Variants in SPAG17 observed in about 807,000 individuals in gnomAD.
The protein encoded by SPAG17 is sperm-associated antigen 17.
SPAG17 carries 169 observed loss-of-function variants against 273.6 expected under a neutral mutation model. The observed-to-expected ratio is 0.62, with a 90% CI of 0.55 to 0.70. The LOEUF (loss-of-function observed/expected upper bound fraction) is 0.70. Among genes scored for constraint, SPAG17 ranks in the 30% least tolerant of loss-of-function variants. The probability of loss-of-function intolerance (pLI) is 0.00; values close to 1 mark genes in which losing one functional copy is unlikely to be tolerated. For synonymous variants in SPAG17, 825 were observed against 873.2 expected, an observed-to-expected ratio of 0.94 and a Z score of 0.97; for missense variants, 2,557 against 2,627.8, an observed-to-expected ratio of 0.97 and a Z score of 0.59.
At chr1:118,100,875 T>C (rs1388955496) in intron 5 of SPAG17, among the ~76,000 whole-genome samples, 2 of 152,180 alleles carry the variant, frequency 1.3e-5, no homozygotes, top group Non-Finnish European at 2.9e-5. Context: ...GGCAAAATGA[T>C]TGTGGGGGAG....
At chr1:118,122,937 C>G (rs1378585026) in intron 3 of SPAG17, among the ~76,000 whole-genome samples, 1 of 152,174 alleles carries the variant, frequency 6.6e-6, no homozygotes, top group African/African-American at 2.4e-5. Flanking sequence ...TTATTATCAA[C>G]TGGCCATAAC....
intron 1 of SPAG17, among the ~76,000 whole-genome samples, chr1:118,179,071 T>C (rs1322108787): frequency 6.6e-6 from 1 of 151,932 alleles, no homozygotes; most frequent in African/African-American, 2.4e-5. Flanking sequence ...AAAATACTAA[T>C]GACGGTCTTC....
In SPAG17 at chr1:118,050,735, C is replaced by T. The variant is rs573895116; in HGVS notation, c.2814+3267G>A. Among the ~76,000 whole-genome samples the T allele has an allele frequency of 8.5e-5, 13 of 152,240 alleles. No individual in the cohort carries two copies. The South Asian group carries it at 2.5e-3, about 29-fold the overall frequency. ...AGACTCTAATGTGCATGCACAAAAA[C>T]AACACAAAATGGATTAAAGACTTAA... is the stretch of plus-strand genomic sequence containing the variant. On this transcript the variant is annotated intron_variant, in intron 20 of 48. Coordinates refer to ENST00000336338, the MANE Select transcript of SPAG17 (RefSeq NM_206996.4).
At chr1:118,075,944 C>G (rs72697592) in intron 15 of SPAG17, among the ~76,000 whole-genome samples, 10,026 of 152,114 alleles carry the variant, frequency 0.066, 439 homozygotes, top group Non-Finnish European at 0.088. Context: ...TAGCATGTAT[C>G]TATGCCTAAT....
chr1:118,088,341 G>A (rs1655143452), intron 10 of SPAG17, among the ~76,000 whole-genome samples: 3 of 152,122 alleles, frequency 2.0e-5, no homozygotes, highest in Admixed American at 2.0e-4. Context: ...ATAGTAGATG[G>A]TTAATAAATG....
At chr1:118,086,162 C>T in intron 12 of SPAG17, 90 bp from the exon 13 acceptor site, 1 of 1,200,058 alleles carries the variant, frequency 8.3e-7, no homozygotes, top group Non-Finnish European at 1.2e-6. Context: ...GATACCTTCA[C>T]CCTCATTATT....
At chr1:118,182,383 A>T (rs1660990948) in intron 1 of SPAG17, among the ~76,000 whole-genome samples, 1 of 152,110 alleles carries the variant, frequency 6.6e-6, no homozygotes, top group African/African-American at 2.4e-5. Flanking sequence ...GCCTGCCTTG[A>T]CCATTGCATG....
intron 27 of SPAG17, among the ~76,000 whole-genome samples, chr1:118,024,124 C>A (rs901383902): frequency 6.6e-6 from 1 of 152,108 alleles, no homozygotes; most frequent in South Asian, 2.1e-4. Context: ...AATATCAGTT[C>A]TTATTATCAT....
rs1309529761 is a variant in SPAG17, at chr1:117,981,252, T to C, written c.6004+18A>G. The C allele has an allele frequency of 1.3e-6, 2 of 1,549,408 alleles. No individual in the cohort carries two copies. The highest frequency in any genetic ancestry group is 8.6e-7 in the Non-Finnish European group (1 of 1,157,624). ...TGTTCAGTTTCAAGAAGCAATAAGATAAAAAAGACTGCCATACCTTCAGGA... is the reference window on the plus strand; with the variant it reads ...TGTTCAGTTTCAAGAAGCAATAAGACAAAAAAGACTGCCATACCTTCAGGA... On this transcript the variant is annotated intron_variant, in intron 43 of 48. Coordinates refer to ENST00000336338, the MANE Select transcript of SPAG17 (RefSeq NM_206996.4).
At chr1:118,147,875 A>C (rs1436054003) in intron 3 of SPAG17, among the ~76,000 whole-genome samples, 1 of 152,230 alleles carries the variant, frequency 6.6e-6, no homozygotes, top group Non-Finnish European at 1.5e-5. Flanking sequence ...TATACTATAC[A>C]GAAGTCTCAC....
At chr1:118,034,720 G>T (rs1648875278) in intron 24 of SPAG17, among the ~76,000 whole-genome samples, 2 of 152,190 alleles carry the variant, frequency 1.3e-5, no homozygotes, top group South Asian at 4.2e-4. Flanking sequence ...AGAAATAATA[G>T]GGTAGGAAGG....
intron 3 of SPAG17, among the ~76,000 whole-genome samples, chr1:118,144,712 T>C (rs1002719711): frequency 6.6e-6 from 1 of 152,228 alleles, no homozygotes; most frequent in Non-Finnish European, 1.5e-5. Flanking sequence ...AGGACTGATG[T>C]GGAACGGAAA....
rs1357069420 is a variant in SPAG17 at position 117,984,770 on chromosome 1, C to T, written c.5682G>A (p.Glu1894=). The T allele has an allele frequency of 6.2e-7, 1 of 1,601,906 alleles. No individual in the cohort carries two copies. The highest frequency in any genetic ancestry group is 8.5e-7 in the Non-Finnish European group (1 of 1,170,274). The change falls in exon 41 of 49, where the codon GAG becomes GAA. Residue 1894 remains glutamate (E), a synonymous_variant. Transcript: ENST00000336338. Reference sequence around the variant, plus strand: ...TATCCATTAGGTAATTCTGTGTTGTCTCAATTTCCTTCCTGGTTGATGTTT... The same window carrying T: ...TATCCATTAGGTAATTCTGTGTTGTTTCAATTTCCTTCCTGGTTGATGTTT... ...EKIDKTRKEI[E]TTQNYLMDIK...
At chr1:118,125,230 CATAT>C (rs564502550) in intron 3 of SPAG17, among the ~76,000 whole-genome samples, 1 of 141,316 alleles carries the variant, frequency 7.1e-6, no homozygotes, top group East Asian at 2.0e-4. Flanking sequence ...TTATTGTATT[CATAT>C]ATATATATAT....
In SPAG17 at chr1:118,039,285, A is replaced by C. The variant is rs1439446929; in HGVS notation, c.3319+7T>G. ...CAGAAGAAAGAAACCACTAAACAGC[A>C]GCTTACCCGTTTCAAGACTTTGTTC... On this transcript the variant is annotated splice_region_variant and intron_variant, in intron 23 of 48. Transcript: ENST00000336338. 6.2e-7 allele frequency: 1 copy of C among 1,611,602 alleles called. No individual in the cohort carries two copies. Among genetic ancestry groups the C allele is most frequent in the Admixed American group, 1.7e-5 (1 of 59,602 alleles).
intron 48 of SPAG17, chr1:117,960,971 A>C (rs973502987): frequency 1.3e-5 from 2 of 152,040 alleles, no homozygotes; most frequent in Non-Finnish European, 2.9e-5. Context: ...ATCTCCAAAA[A>C]TTTTTCCAAT....
At chr1:117,993,959 A>G (rs1657380604) in intron 35 of SPAG17, among the ~76,000 whole-genome samples, 2 of 152,150 alleles carry the variant, frequency 1.3e-5, no homozygotes, top group African/African-American at 2.4e-5. Flanking sequence ...AATCCTTCAT[A>G]TTGTTCTTAG....
intron 47 of SPAG17, 147 bp downstream of exon 47, chr1:117,966,462 A>G (rs1395950374): frequency 1.3e-6 from 1 of 774,830 alleles, no homozygotes; most frequent in African/African-American, 1.8e-5. Context: ...TCAAAGATGA[A>G]TGAAGATGCT....
At chr1:118,165,353 C>A (rs562105818) in intron 1 of SPAG17, among the ~76,000 whole-genome samples, 3 of 152,202 alleles carry the variant, frequency 2.0e-5, no homozygotes, top group Admixed American at 2.0e-4. Context: ...AGCTGTTCTC[C>A]TTTCTGTTTC....
Sources: allele counts gnomAD v4.1 joint callset (sites outside exome capture counted in the v4.1 genomes callset), GRCh38; gene constraint gnomAD v4.1.1; transcripts MANE v1.5; gene names NCBI Gene and HGNC (gene_info 2026-07-23, HGNC 2026-07-21).